Variants in PDIA3 observed in about 807,000 individuals in gnomAD.
The protein encoded by PDIA3 is protein disulfide isomerase family A member 3, also known as protein disulfide-isomerase A3.
Under a neutral mutation model 56.9 loss-of-function variants are expected in PDIA3, and 16 were observed. The observed-to-expected ratio is 0.28, with a 90% CI of 0.19 to 0.43. The LOEUF (loss-of-function observed/expected upper bound fraction) is 0.43, where lower values mean the gene tolerates loss of function less well. PDIA3 is among the 20% of genes least tolerant of loss of function. PDIA3 has a pLI of 1.00. For missense variants in PDIA3, 485 were observed against 621.3 expected (o/e 0.78, Z 2.33); for synonymous variants, 192 against 216.5 (o/e 0.89, Z 0.99).
At chr15:43,749,661 C>T (rs1050600175) in intron 1 of PDIA3, among the ~76,000 whole-genome samples, 4 of 152,008 alleles carry the variant, frequency 2.6e-5, no homozygotes, top group Admixed American at 6.6e-5. Flanking sequence ...GACGTGGTGG[C>T]GCACATCTGT....
chr15:43,753,609 A>G (rs930990978), intron 1 of PDIA3, among the ~76,000 whole-genome samples: 4 of 152,194 alleles, frequency 2.6e-5, no homozygotes, highest in African/African-American at 9.6e-5. Flanking sequence ...AGCCAGTACT[A>G]TGGAGTCAAC....
chr15:43,768,026 C>T (rs927158901), intron 8 of PDIA3, among the ~76,000 whole-genome samples: 1 of 152,140 alleles, frequency 6.6e-6, no homozygotes, highest in Non-Finnish European at 1.5e-5. Context: ...CCATTCCCCC[C>T]CCTCATCCCT....
chr15:43,757,768 A>G (rs1001055581), intron 3 of PDIA3, among the ~76,000 whole-genome samples: 3 of 151,870 alleles, frequency 2.0e-5, no homozygotes, highest in African/African-American at 7.3e-5. Flanking sequence ...AGGCTGAGGC[A>G]GGAGAATCAC....
intron 1 of PDIA3, chr15:43,747,112 G>A (rs2086712110): frequency 5.6e-6 from 1 of 177,984 alleles, no homozygotes; most frequent in Non-Finnish European, 1.2e-5. Flanking sequence ...AAATGCAGAA[G>A]TCCTGGATCC....
intron 10 of PDIA3, among the ~76,000 whole-genome samples, chr15:43,770,025 A>C (rs529573445): frequency 6.6e-6 from 1 of 152,164 alleles, no homozygotes; most frequent in African/African-American, 2.4e-5. Flanking sequence ...AATACAAGAG[A>C]AAAAAGGGAA....
At chr15:43,746,937 C>T (rs1252070459) in intron 1 of PDIA3, 4 of 575,554 alleles carry the variant, frequency 6.9e-6, no homozygotes, top group Non-Finnish European at 1.2e-5. Context: ...GGGCCTCATC[C>T]TTATCTCGGT....
chr15:43,757,482 T>C (rs1480921284), intron 3 of PDIA3, among the ~76,000 whole-genome samples: 1 of 143,188 alleles, frequency 7.0e-6, no homozygotes, highest in Admixed American at 7.0e-5. Context: ...GGGGTGAACC[T>C]GGGAGGCGGA....
At chr15:43,746,908 C>G in intron 1 of PDIA3, 1 of 594,060 alleles carries the variant, frequency 1.7e-6, no homozygotes, top group South Asian at 2.0e-5. Flanking sequence ...AAGGAAAACC[C>G]GAAGGCTGCG....
At chr15:43,748,963 G>A (rs1465124776) in intron 1 of PDIA3, among the ~76,000 whole-genome samples, 2 of 151,810 alleles carry the variant, frequency 1.3e-5, no homozygotes, top group African/African-American at 4.8e-5. Context: ...TAGAGACAGG[G>A]TTTCACCATG....
At chr15:43,765,104 T>TG (rs1156308658) in intron 5 of PDIA3, among the ~76,000 whole-genome samples, 2 of 152,122 alleles carry the variant, frequency 1.3e-5, no homozygotes, top group Non-Finnish European at 2.9e-5. Context: ...ACATGAAACA[T>TG]GGGAGCTCCA....
chr15:43,757,415 G>A (rs551221402), intron 3 of PDIA3, among the ~76,000 whole-genome samples: 11 of 152,076 alleles, frequency 7.2e-5, no homozygotes, highest in South Asian at 4.2e-4. Context: ...AAAATTAGCC[G>A]GGCGTGGTGG....
At position 43,746,568 on chromosome 15, in the gene PDIA3, C is replaced by G. The variant is rs747607149; in HGVS notation, c.29C>G (p.Pro10Arg). MRLRRLALF[P>R]GVALLLAAAR... ...CGCCTCCGCCGCCTAGCGCTGTTCC[C>G]GGGTGTGGCGCTGCTTCTTGCCGCG... Residue 10 changes from proline (P) to arginine (R), a missense_variant, in exon 1 of 13, where the codon CCG (proline) becomes CGG (arginine). Transcript: ENST00000300289. The G allele has an allele frequency of 2.5e-6, 4 of 1,611,174 alleles. No individual in the cohort carries two copies. Among genetic ancestry groups the G allele is most frequent in the Non-Finnish European group, 3.4e-6 (4 of 1,179,436 alleles).
chr15:43,757,494 C>T (rs1234760759), intron 3 of PDIA3, among the ~76,000 whole-genome samples: 3 of 148,454 alleles, frequency 2.0e-5, no homozygotes, highest in East Asian at 4.0e-4. Flanking sequence ...GGAGGCGGAG[C>T]TTGCAGTGAG....
At chr15:43,762,729 A>C (rs2086824740) in intron 4 of PDIA3, among the ~76,000 whole-genome samples, 1 of 152,204 alleles carries the variant, frequency 6.6e-6, no homozygotes, top group African/African-American at 2.4e-5. Context: ...GAAGTGGTTT[A>C]CAGTTTATTT....
chr15:43,753,648 T>TA (rs2086758781), intron 1 of PDIA3, among the ~76,000 whole-genome samples, 176 bp from the exon 2 acceptor site: 1 of 152,198 alleles, frequency 6.6e-6, no homozygotes, highest in Non-Finnish European at 1.5e-5. Context: ...CCTTTACCTC[T>TA]TGAGAGTTCT....
chr15:43,766,782 T>C lies in PDIA3; in HGVS notation c.900T>C (p.Ala300=), dbSNP rs997570277. Residue 300 remains alanine (A), a synonymous_variant, in exon 8 of 13, where the codon GCT becomes GCC. Coordinates refer to ENST00000300289, the MANE Select transcript of PDIA3 (RefSeq NM_005313.5). Reference sequence around the variant, plus strand: ...ATGCTGGGCACAAACTCAACTTTGCTGTAGCTAGCCGCAAAACCTTTAGCC... The same window carrying C: ...ATGCTGGGCACAAACTCAACTTTGCCGTAGCTAGCCGCAAAACCTTTAGCC... ...FLDAGHKLNF[A]VASRKTFSHE... is the part of the protein sequence containing the mutation. 3.1e-6 allele frequency: 5 copies of C among 1,613,706 alleles called. No homozygotes were observed. Among genetic ancestry groups the C allele is most frequent in the Non-Finnish European group, 4.2e-6 (5 of 1,179,698 alleles).
Position 43,765,121 on chromosome 15 carries a change from A to G in PDIA3, c.603-329A>G, listed in dbSNP as rs532122283. 6.6e-5 allele frequency among the ~76,000 whole-genome samples: 10 copies of G among 152,232 alleles called. No homozygotes were observed. In the East Asian group the frequency reaches 1.9e-3, roughly 29 times the overall value. ...ATGAAACATGGGAGCTCCACCAGTAATCCCAGCATTTTTGGAGGCTGAGAT... is the reference window on the plus strand; with the variant it reads ...ATGAAACATGGGAGCTCCACCAGTAGTCCCAGCATTTTTGGAGGCTGAGAT... On this transcript the variant is annotated intron_variant, in intron 5 of 12. Transcript: ENST00000300289.
intron 8 of PDIA3, 146 bp from the exon 9 acceptor site, chr15:43,768,343 C>T (rs555067509): frequency 2.7e-5 from 16 of 582,556 alleles, no homozygotes; most frequent in African/African-American, 2.0e-4. Context: ...TTTCTTCAGT[C>T]GGTAGTTCTG....
At position 43,770,274 on chromosome 15, in the gene PDIA3, A is replaced by G. The variant is rs1251065276; in HGVS notation, c.1291A>G (p.Ile431Val). 1.2e-6 allele frequency: 2 copies of G among 1,614,186 alleles called. No homozygotes were observed. Among genetic ancestry groups the G allele is most frequent in the Non-Finnish European group, 1.7e-6 (2 of 1,179,990 alleles). The change falls in exon 11 of 13, where the codon ATA (isoleucine) becomes GTA (valine). Residue 431 changes from isoleucine to valine, a missense_variant. Coordinates refer to ENST00000300289, the MANE Select transcript of PDIA3 (RefSeq NM_005313.5). ...GCTCAGCAAAGACCCAAATATCGTC[A>G]TAGCCAAGATGGATGCCACAGCCAA... ...EKLSKDPNIVIAKMDATANDV... is the reference protein window; with the variant it reads ...EKLSKDPNIVVAKMDATANDV...
Sources: allele counts gnomAD v4.1 joint callset (sites outside exome capture counted in the v4.1 genomes callset), GRCh38; gene constraint gnomAD v4.1.1; transcripts MANE v1.5; gene names NCBI Gene and HGNC (gene_info 2026-07-23, HGNC 2026-07-21).